Variants in TM4SF5 observed in about 807,000 individuals in gnomAD.
TM4SF5 encodes transmembrane 4 L six family member 5, also known as transmembrane 4 L6 family member 5.
A neutral mutation model predicts 22.3 loss-of-function variants in TM4SF5; 16 were observed. The observed-to-expected ratio is 0.72, with a 90% CI of 0.49 to 1.09. The LOEUF (loss-of-function observed/expected upper bound fraction) is 1.09, where lower values mean the gene tolerates loss of function less well. TM4SF5 is among the 50% of genes least tolerant of loss of function. The probability of loss-of-function intolerance (pLI) is 0.00; values close to 1 mark genes in which losing one functional copy is unlikely to be tolerated. For synonymous variants in TM4SF5, 113 were observed against 109.6 expected (o/e 1.03, Z -0.19); for missense variants, 249 against 266.1 (o/e 0.94, Z 0.45).
chr17:4,773,489 C>G (rs1917153716), intron 1 of TM4SF5, among the ~76,000 whole-genome samples: 1 of 152,206 alleles, frequency 6.6e-6, no homozygotes, highest in Non-Finnish European at 1.5e-5. Context: ...CTACCCAGCA[C>G]AGTTCCCCAC....
At chr17:4,774,079 G>A (rs991795665) in intron 1 of TM4SF5, among the ~76,000 whole-genome samples, 2 of 152,212 alleles carry the variant, frequency 1.3e-5, no homozygotes, top group Non-Finnish European at 2.9e-5. Context: ...AAATTAGCCA[G>A]GCATAGTGGC....
intron 2 of TM4SF5, among the ~76,000 whole-genome samples, chr17:4,781,135 TA>T (rs541886050): frequency 0.019 from 2,371 of 124,782 alleles, 24 homozygotes; most frequent in African/African-American, 0.034. Flanking sequence ...AGCAGTGATT[TA>T]AAAAAAAAAA....
chr17:4,782,610 C>T lies in TM4SF5; in HGVS notation c.366C>T (p.Gly122=), dbSNP rs550308707. The T allele has an allele frequency of 1.2e-6, 2 of 1,613,964 alleles. No individual in the cohort carries two copies. Among genetic ancestry groups the T allele is most frequent in the African/African-American group, 1.3e-5 (1 of 74,898 alleles). Residue 122 remains glycine (G), a synonymous_variant, in exon 3 of 5, where the codon GGC becomes GGT. Coordinates refer to ENST00000270560, the MANE Select transcript of TM4SF5 (RefSeq NM_003963.3). ...ATGGACCCAGATGCTTAATGAACGGCGAGTGGGGCTACCACTTCGAAGACA... is the reference window on the plus strand; with the variant it reads ...ATGGACCCAGATGCTTAATGAACGGTGAGTGGGGCTACCACTTCGAAGACA... ...LRNGPRCLMN[G]EWGYHFEDTA... is the part of the protein sequence containing the mutation.
At chr17:4,781,541 A>T (rs1917310862) in intron 2 of TM4SF5, among the ~76,000 whole-genome samples, 1 of 151,446 alleles carries the variant, frequency 6.6e-6, no homozygotes, top group African/African-American at 2.4e-5. Context: ...TTTTAGACAT[A>T]GTCTTGGTCT....
At chr17:4,774,831 C>A (rs895520372) in intron 1 of TM4SF5, among the ~76,000 whole-genome samples, 2 of 152,144 alleles carry the variant, frequency 1.3e-5, no homozygotes, top group South Asian at 2.1e-4. Flanking sequence ...TGCTTGAACC[C>A]GAGAGGCGGA....
At position 4,773,102 on chromosome 17, in the gene TM4SF5, G is replaced by C. The variant is rs561223169; in HGVS notation, c.177+1003G>C. ...GCATTTTCAGTAGAGACAGGGTTTC[G>C]CCACGTTGGCTAGGCTGGTCTCGAA... is the stretch of plus-strand genomic sequence containing the variant. On this transcript the variant is annotated intron_variant, in intron 1 of 4. Coordinates refer to ENST00000270560, the MANE Select transcript of TM4SF5 (RefSeq NM_003963.3). 2.0e-5 allele frequency among the ~76,000 whole-genome samples: 3 copies of C among 151,880 alleles called. No homozygotes were observed. The East Asian group carries it at 5.8e-4, about 29-fold the overall frequency.
intron 1 of TM4SF5, among the ~76,000 whole-genome samples, chr17:4,777,623 A>T (rs1184839483): frequency 6.6e-6 from 1 of 151,816 alleles, no homozygotes; most frequent in Non-Finnish European, 1.5e-5. Flanking sequence ...GGTGGCTCAC[A>T]CCTGTAATCC....
intron 2 of TM4SF5, among the ~76,000 whole-genome samples, chr17:4,781,072 T>TG (rs1422350884): frequency 6.9e-6 from 1 of 144,746 alleles, no homozygotes; most frequent in African/African-American, 2.6e-5. Context: ...CTCGGCTACT[T>TG]GGGAGGCTGA....
At chr17:4,772,943 C>T (rs538847773) in intron 1 of TM4SF5, among the ~76,000 whole-genome samples, 75 of 151,566 alleles carry the variant, frequency 4.9e-4, no homozygotes, top group African/African-American at 1.7e-3. Context: ...CTCGCTCTGT[C>T]GCCCAGGCTG....
Position 4,772,063 on chromosome 17 carries a change from C to G in TM4SF5, c.141C>G (p.Val47=), listed in dbSNP as rs575568039. Residue 47 remains valine (V), a synonymous_variant, in exon 1 of 5, where the codon GTC becomes GTG. Transcript: ENST00000270560. ...ACACCAACCATCTCAGCTTGCAAGT[C>G]TGGCTCATGGGCGGCTTCATTGGCG... ...WTNTNHLSLQ[V]WLMGGFIGGG... 10 of 1,614,084 alleles carry G rather than the reference C, an allele frequency of 6.2e-6. No homozygotes were observed. In the South Asian group the frequency reaches 8.8e-5, roughly 14 times the overall value.
intron 1 of TM4SF5, among the ~76,000 whole-genome samples, chr17:4,780,189 G>A (rs992219634): frequency 3.3e-5 from 5 of 151,806 alleles, no homozygotes; most frequent in African/African-American, 1.2e-4. Flanking sequence ...CCGAGTAGCT[G>A]AGATTATAGG....
At chr17:4,780,698 C>A in intron 1 of TM4SF5, 91 bp from the exon 2 acceptor site, 1 of 1,018,934 alleles carries the variant, frequency 9.8e-7, no homozygotes, top group Non-Finnish European at 1.5e-6. Flanking sequence ...GAAGGCATCA[C>A]AGGCAGCTTC....
chr17:4,778,859 C>T (rs1206778595), intron 1 of TM4SF5, among the ~76,000 whole-genome samples: 3 of 151,756 alleles, frequency 2.0e-5, no homozygotes, highest in African/African-American at 7.3e-5. Context: ...AGATCAAGAC[C>T]ATTCTGGCCA....
rs73339956 is a variant in TM4SF5, at chr17:4,782,075, A to C, written c.259-428A>C. Among the ~76,000 whole-genome samples, 651 of 145,746 alleles carry C rather than the reference A, an allele frequency of 4.5e-3. 6 individuals carry two copies. The highest frequency in any genetic ancestry group is 0.015 in the African/African-American group (578 of 39,276). On this transcript the variant is annotated intron_variant, in intron 2 of 4. Transcript: ENST00000270560. ...GTTCTGCAAGGACAGGTGCAGAAAC[A>C]GAGTCCGAATTTCTAATTTTTTTTT...
intron 1 of TM4SF5, among the ~76,000 whole-genome samples, chr17:4,773,221 C>T (rs924362841): frequency 2.6e-5 from 4 of 151,844 alleles, no homozygotes; most frequent in African/African-American, 9.7e-5. Context: ...TTTGTAGAGA[C>T]GGAGTATCTC....
chr17:4,774,591 A>G (rs1350539871), intron 1 of TM4SF5, among the ~76,000 whole-genome samples: 3 of 152,044 alleles, frequency 2.0e-5, no homozygotes, highest in Non-Finnish European at 2.9e-5. Context: ...GTATAGAACT[A>G]GGCAAGGCAA....
chr17:4,772,958 G>A (rs1174153346), intron 1 of TM4SF5, among the ~76,000 whole-genome samples: 2 of 152,064 alleles, frequency 1.3e-5, no homozygotes, highest in African/African-American at 2.4e-5. Context: ...AGGCTGGAGT[G>A]CAGTGGCGCC....
In TM4SF5 at chr17:4,780,862, G is replaced by A. The variant is rs765670550; in HGVS notation, c.251G>A (p.Arg84His). ...TGTGGTGCTGGGTGCTGTGGAAACC[G>A]CTGCAGGGTAAGATCCAGATTAAGA... ...GCCGAGCCGN[R>H]CRMLRSVFSS... Residue 84 changes from arginine (R) to histidine (H), a missense_variant, in exon 2 of 5, where the codon CGC becomes CAC. Physicochemically the swap from Arg to His is conservative, Grantham distance 29. Coordinates refer to ENST00000270560, the MANE Select transcript of TM4SF5 (RefSeq NM_003963.3). 5.8e-5 allele frequency: 94 copies of A among 1,611,732 alleles called. No homozygotes were observed. The East Asian group carries it at 1.8e-3, about 30-fold the overall frequency.
rs754045383 is a variant in TM4SF5 at position 4,782,882 on chromosome 17, TG to T, written c.427del (p.Asp143IlefsTer14). 14 of 1,614,052 alleles carry T rather than the reference TG, an allele frequency of 8.7e-6. No homozygotes were observed. In the East Asian group the frequency reaches 2.2e-4, roughly 26 times the overall value. On this transcript the variant is annotated frameshift_variant, in exon 4 of 5. Coordinates refer to ENST00000270560, the MANE Select transcript of TM4SF5 (RefSeq NM_003963.3). LOFTEE classifies it high-confidence loss of function. ...AGAYLLNRTL[W>X]DRCEAPPRVV... ...AGCTTACTTGCTCAACCGCACTCTA[TG>T]GGATCGGTGCGAGGCGCCCCCTCGC...
Sources: gnomAD v4.1 joint callset for allele counts (sites outside exome capture counted in the v4.1 genomes callset) on GRCh38, gnomAD v4.1.1 for gene constraint, MANE v1.5 for transcripts, NCBI Gene and HGNC (gene_info 2026-07-23, HGNC 2026-07-21) for gene names.